Variants in EIF4H observed in about 807,000 individuals in gnomAD.
EIF4H encodes the protein eukaryotic translation initiation factor 4H.
In EIF4H, 8 loss-of-function variants were observed where a neutral mutation model predicts 30.6. The observed-to-expected ratio is 0.26, with a 90% confidence interval of 0.15 to 0.47. The LOEUF is 0.47. Ranked by LOEUF, EIF4H falls within the 20% of genes least tolerant of loss-of-function variation. The pLI, the probability that EIF4H is intolerant of heterozygous loss-of-function variation, is 0.99. For synonymous variants in EIF4H, 106 were observed against 122.7 expected (o/e 0.86, Z 0.90); for missense variants, 188 against 339.5 (o/e 0.55, Z 3.51).
intron 1 of EIF4H, among the ~76,000 whole-genome samples, chr7:74,185,131 A>G (rs1309187201): frequency 2.0e-5 from 3 of 151,730 alleles, no homozygotes; most frequent in Admixed American, 6.6e-5. Context: ...GCTTGGGACT[A>G]CAAGTGTGGA....
chr7:74,175,758 C>T (rs1344726890), intron 1 of EIF4H, among the ~76,000 whole-genome samples: 1 of 149,744 alleles, frequency 6.7e-6, no homozygotes, highest in Admixed American at 6.7e-5. Flanking sequence ...AAAAAACGTT[C>T]ACAGAAGTAC....
intron 1 of EIF4H, among the ~76,000 whole-genome samples, chr7:74,175,407 A>G (rs1554707519): frequency 6.6e-6 from 1 of 152,174 alleles, no homozygotes; most frequent in East Asian, 1.9e-4. Flanking sequence ...TAACACCACA[A>G]TAATACACAC....
chr7:74,196,088 A>C lies in EIF4H; in HGVS notation c.*780A>C, dbSNP rs1489663261. ...CACGTGTGTGTGTCCCAGCTAGTTC[A>C]CTCCTTTCGCCGTGCGTGGTGGAGG... On this transcript the variant is annotated 3_prime_UTR_variant, in exon 7 of 7. Coordinates refer to ENST00000265753, the MANE Select transcript of EIF4H (RefSeq NM_022170.2). The C allele has an allele frequency of 2.6e-5, 4 of 151,854 alleles. No homozygotes were observed. The highest frequency in any genetic ancestry group is 5.9e-5 in the Non-Finnish European group (4 of 67,988). The allele number at this position is 151,854 out of a possible 1,614,324, so 9.4% of individuals were successfully genotyped here.
Position 74,192,669 on chromosome 7 carries a change from T to C in EIF4H, c.470-2072T>C, listed in dbSNP as rs1459577295. Among the ~76,000 whole-genome samples, 3 of 44,628 alleles carry C rather than the reference T, an allele frequency of 6.7e-5. No homozygotes were observed. In the East Asian group the frequency reaches 2.9e-3, roughly 43 times the overall value. The allele number at this position is 44,628 out of a possible 152,430, so 29.3% of individuals were successfully genotyped here. ...CATACCTAACATTGCTTTATGTGAC[T>C]TTTTTTTTTTTCTTTTTTTTTTTTT... is the stretch of plus-strand genomic sequence containing the variant. On this transcript the variant is annotated intron_variant, in intron 5 of 6. Transcript: ENST00000265753.
chr7:74,180,544 C>T (rs1331972100), intron 1 of EIF4H, among the ~76,000 whole-genome samples: 2 of 152,144 alleles, frequency 1.3e-5, no homozygotes, highest in Non-Finnish European at 1.5e-5. Flanking sequence ...CCCCTGCCTT[C>T]GTTTGTATTA....
chr7:74,184,649 TTTTG>T (rs1447734397), intron 1 of EIF4H, among the ~76,000 whole-genome samples: 5 of 152,262 alleles, frequency 3.3e-5, no homozygotes, highest in East Asian at 1.9e-4. Flanking sequence ...GTATCTTGTT[TTTTG>T]TTTGTTTGGT....
intron 1 of EIF4H, among the ~76,000 whole-genome samples, chr7:74,179,668 C>T (rs570573640): frequency 3.3e-5 from 5 of 151,258 alleles, no homozygotes; most frequent in South Asian, 4.2e-4. Flanking sequence ...TCTTGTACTC[C>T]GACTGGATCC....
At chr7:74,180,753 A>T (rs1471401258) in intron 1 of EIF4H, among the ~76,000 whole-genome samples, 1 of 152,242 alleles carries the variant, frequency 6.6e-6, no homozygotes, top group Admixed American at 6.5e-5. Context: ...CTTCGAAAGA[A>T]GCCTCAGCAG....
intron 2 of EIF4H, 148 bp downstream of exon 2, chr7:74,187,946 A>G: frequency 1.1e-6 from 1 of 908,798 alleles, no homozygotes; most frequent in Non-Finnish European, 1.6e-6. Context: ...CGAAAGAAAC[A>G]TAACTCTTCA....
chr7:74,176,395 G>A lies in EIF4H; in HGVS notation c.59+1953G>A, dbSNP rs191640759. ...TGGGATTACAGGCATTAGCCACCGC[G>A]CCCGGCCTCAATTATTTTAATTATG... On this transcript the variant is annotated intron_variant, in intron 1 of 6. Transcript: ENST00000265753. Among the ~76,000 whole-genome samples the A allele has an allele frequency of 4.0e-3, 614 of 152,112 alleles. 6 individuals carry two copies. The highest frequency in any genetic ancestry group is 5.6e-3 in the Non-Finnish European group (380 of 68,000).
chr7:74,186,788 A>ATTTTTTTTTTT (rs564794579), intron 1 of EIF4H, among the ~76,000 whole-genome samples: 2 of 70,086 alleles, frequency 2.9e-5, no homozygotes, highest in African/African-American at 9.8e-5. Flanking sequence ...ACAAGGAGAA[A>ATTTTTTTTTTT]TTTTTTTTTT....
chr7:74,188,307 G>A (rs781927104), intron 2 of EIF4H, among the ~76,000 whole-genome samples: 17 of 152,230 alleles, frequency 1.1e-4, no homozygotes, highest in African/African-American at 1.9e-4. Flanking sequence ...TCTATAGGTC[G>A]TGTGTCTGCA....
intron 1 of EIF4H, among the ~76,000 whole-genome samples, chr7:74,184,390 G>A (rs1270884380): frequency 1.3e-5 from 2 of 152,022 alleles, no homozygotes; most frequent in South Asian, 2.1e-4. Flanking sequence ...TCAAACACCC[G>A]AGAGTTTATC....
intron 1 of EIF4H, among the ~76,000 whole-genome samples, chr7:74,184,701 G>T (rs150887980): frequency 2.0e-4 from 31 of 151,912 alleles, no homozygotes; most frequent in South Asian, 6.2e-4. Flanking sequence ...TTTGTTTTTT[G>T]TGTTTTTTTG....
At chr7:74,175,394 G>A (rs1800814726) in intron 1 of EIF4H, among the ~76,000 whole-genome samples, 2 of 152,144 alleles carry the variant, frequency 1.3e-5, no homozygotes, top group Admixed American at 6.6e-5. Flanking sequence ...TACTTTCCCA[G>A]GATAACACCA....
In EIF4H at chr7:74,190,309, A is replaced by T; in HGVS notation, c.469+3A>T. On this transcript the variant is annotated splice_donor_region_variant and intron_variant, in intron 5 of 6. Transcript: ENST00000265753. Reference sequence around the variant, plus strand: ...TTCCCGGGATGACTTCAATTCTGGTATCAGTATTTAAAGTATCACCACTTA... The same window carrying T: ...TTCCCGGGATGACTTCAATTCTGGTTTCAGTATTTAAAGTATCACCACTTA... 1.5e-5 allele frequency: 25 copies of T among 1,613,724 alleles called. No homozygotes were observed. Among genetic ancestry groups the T allele is most frequent in the Non-Finnish European group, 2.0e-5 (24 of 1,179,592 alleles).
intron 5 of EIF4H, among the ~76,000 whole-genome samples, chr7:74,193,196 A>G (rs1318079544): frequency 6.6e-6 from 1 of 152,234 alleles, no homozygotes; most frequent in Admixed American, 6.5e-5. Flanking sequence ...ACCTGGGGCC[A>G]CTTCAGACAG....
intron 4 of EIF4H, 29 bp downstream of exon 4, chr7:74,189,947 A>G (rs781867472): frequency 1.8e-5 from 29 of 1,611,162 alleles, no homozygotes; most frequent in Non-Finnish European, 2.4e-5. Context: ...GCTGAACATC[A>G]TAAAGATTTG....
At chr7:74,175,795 G>A (rs1800826669) in intron 1 of EIF4H, among the ~76,000 whole-genome samples, 1 of 151,240 alleles carries the variant, frequency 6.6e-6, no homozygotes, top group African/African-American at 2.4e-5. Context: ...TAAACAGCGT[G>A]GTCAATTTAA....
Sources: allele counts gnomAD v4.1 joint callset (sites outside exome capture counted in the v4.1 genomes callset), GRCh38; gene constraint gnomAD v4.1.1; transcripts MANE v1.5; gene names NCBI Gene and HGNC (gene_info 2026-07-23, HGNC 2026-07-21).